The following APBB2 variants were observed in gnomAD, a reference collection of about 807,000 sequenced individuals.
APBB2 encodes the protein Fe65-like 1.
In APBB2, 38 loss-of-function variants were observed where a neutral mutation model predicts 82.5. The observed-to-expected ratio is 0.46, with a 90% confidence interval of 0.36 to 0.60. The LOEUF (loss-of-function observed/expected upper bound fraction) is 0.60, where lower values mean the gene tolerates loss of function less well. Ranked by LOEUF, APBB2 falls within the 20% of genes least tolerant of loss-of-function variation. The pLI is 0.00. For missense variants in APBB2, 772 were observed against 972.3 expected (o/e 0.79, Z 2.74); for synonymous variants, 341 against 368.2 (o/e 0.93, Z 0.85).
intron 2 of APBB2, among the ~76,000 whole-genome samples, chr4:41,122,902 T>C (rs1008862395): frequency 2.6e-5 from 4 of 152,178 alleles, no homozygotes; most frequent in African/African-American, 7.2e-5. Flanking sequence ...TGTCCTCACC[T>C]CTGCCCTGGC....
At chr4:41,111,149 G>T (rs940258351) in intron 2 of APBB2, among the ~76,000 whole-genome samples, 1 of 152,174 alleles carries the variant, frequency 6.6e-6, no homozygotes, top group Non-Finnish European at 1.5e-5. Context: ...ACAGGAGGCG[G>T]AGCTCAGGCA....
chr4:40,862,140 T>C (rs1361736613), intron 12 of APBB2, among the ~76,000 whole-genome samples: 1 of 152,212 alleles, frequency 6.6e-6, no homozygotes, highest in African/African-American at 2.4e-5. Context: ...ATAACTGATA[T>C]AACGTGCAAC....
In APBB2 at chr4:41,144,187, C is replaced by T. The variant is rs1007645876; in HGVS notation, c.-416-1045G>A. Among the ~76,000 whole-genome samples the T allele has an allele frequency of 2.0e-5, 3 of 152,320 alleles. 1 individual carries two copies. The highest frequency in any genetic ancestry group is 3.9e-4 in the East Asian group (2 of 5,188). On this transcript the variant is annotated intron_variant, in intron 1 of 17. Transcript: ENST00000508593. ...CAAATGTTATTTTCAGATACTGGGTCCACAGTTCTATTTCTGTAAATCAAA... is the reference window on the plus strand; with the variant it reads ...CAAATGTTATTTTCAGATACTGGGTTCACAGTTCTATTTCTGTAAATCAAA...
At chr4:41,123,877 C>T (rs544131228) in intron 2 of APBB2, among the ~76,000 whole-genome samples, 4 of 152,020 alleles carry the variant, frequency 2.6e-5, no homozygotes, top group Non-Finnish European at 4.4e-5. Flanking sequence ...TAAATTTAAA[C>T]GATTGCTTAA....
chr4:40,935,496 T>C (rs1785166970), intron 7 of APBB2: 2 of 195,264 alleles, frequency 1.0e-5, no homozygotes, highest in East Asian at 1.4e-4. Flanking sequence ...TTCCTCCCTA[T>C]AAACCAAACA....
Position 40,838,871 on chromosome 4 carries a change from C to A in APBB2, c.1530-8294G>T, listed in dbSNP as rs139852712. ...TAAGTGGAATTTGCTTATGTGTTTA[C>A]CTCTCTTCCAAAAGGCATCTACAGA... On this transcript the variant is annotated intron_variant, in intron 12 of 17. Coordinates refer to ENST00000508593, the MANE Select transcript of APBB2 (RefSeq NM_004307.2). Among the ~76,000 whole-genome samples, 175 of 152,304 alleles carry A rather than the reference C, an allele frequency of 1.1e-3. 1 individual carries two copies. Among genetic ancestry groups the A allele is most frequent in the African/African-American group, 4.0e-3 (168 of 41,562 alleles).
chr4:41,040,451 C>G (rs1720917998), intron 4 of APBB2, among the ~76,000 whole-genome samples: 1 of 152,112 alleles, frequency 6.6e-6, no homozygotes, highest in Non-Finnish European at 1.5e-5. Context: ...TAAGTAGGTA[C>G]TTTGTAAGGA....
At chr4:40,998,012 C>G (rs968337419) in intron 6 of APBB2, among the ~76,000 whole-genome samples, 8 of 152,142 alleles carry the variant, frequency 5.3e-5, no homozygotes, top group Admixed American at 4.6e-4. Flanking sequence ...GACAGACAAA[C>G]TATGGTTATT....
intron 6 of APBB2, among the ~76,000 whole-genome samples, chr4:40,997,806 C>A (rs1349913039): frequency 6.6e-6 from 1 of 152,130 alleles, no homozygotes; most frequent in Non-Finnish European, 1.5e-5. Flanking sequence ...GTAATAACGT[C>A]CTTGAAGCGG....
chr4:41,133,813 C>A (rs2154008713), intron 2 of APBB2, among the ~76,000 whole-genome samples: 1 of 152,190 alleles, frequency 6.6e-6, no homozygotes, highest in East Asian at 1.9e-4. Context: ...GGAGGGGAAG[C>A]CAGGAATGTC....
chr4:40,855,501 G>A (rs1400691868), intron 12 of APBB2, among the ~76,000 whole-genome samples: 1 of 152,114 alleles, frequency 6.6e-6, no homozygotes, highest in Admixed American at 6.5e-5. Context: ...TGGGAGAACC[G>A]AGGCAGGTGG....
intron 6 of APBB2, among the ~76,000 whole-genome samples, chr4:40,982,281 A>AGAAGGAAGGAAGGAAGGAAG (rs1177096577): frequency 5.7e-5 from 1 of 17,474 alleles, no homozygotes; most frequent in African/African-American, 2.6e-4. Flanking sequence ...AAAGAAAGAA[A>AGAAGGAAGGAAGGAAGGAAG]GAAGGAAGGA....
chr4:40,851,738 AT>A (rs869027470), intron 12 of APBB2, among the ~76,000 whole-genome samples: 12,967 of 65,540 alleles, frequency 0.2, 580 homozygotes, highest in Non-Finnish European at 0.24. Flanking sequence ...ATATATATAT[AT>A]TTTTTTTTTT....
chr4:41,003,185 C>T (rs1016513714), intron 6 of APBB2, among the ~76,000 whole-genome samples: 3 of 152,242 alleles, frequency 2.0e-5, no homozygotes, highest in South Asian at 2.1e-4. Flanking sequence ...GTTGTAGTTT[C>T]GGATTCATCA....
intron 6 of APBB2, among the ~76,000 whole-genome samples, chr4:40,979,502 C>A (rs971181709): frequency 6.6e-6 from 1 of 152,192 alleles, no homozygotes; most frequent in African/African-American, 2.4e-5. Flanking sequence ...TAATTAAGAT[C>A]CATAGTCAAC....
At chr4:40,999,513 C>T (rs1481369309) in intron 6 of APBB2, among the ~76,000 whole-genome samples, 1 of 152,196 alleles carries the variant, frequency 6.6e-6, no homozygotes, top group East Asian at 1.9e-4. Context: ...AAGGATATGG[C>T]AGGGAACAAA....
At chr4:40,947,255 T>C (rs998538928) in intron 6 of APBB2, among the ~76,000 whole-genome samples, 1 of 152,240 alleles carries the variant, frequency 6.6e-6, no homozygotes, top group Non-Finnish European at 1.5e-5. Flanking sequence ...CGTCCCATTC[T>C]AGTGGCTCAC....
chr4:41,156,104 A>C lies in APBB2; in HGVS notation c.-416-12962T>G, dbSNP rs528910912. Among the ~76,000 whole-genome samples, 6 of 152,052 alleles carry C rather than the reference A, an allele frequency of 3.9e-5. No individual in the cohort carries two copies. In the East Asian group the frequency reaches 7.7e-4, roughly 20 times the overall value. ...TTCTCAGAGACTTAAAAAAAAAAAA[A>C]CCCTGAACTTTGTAAAAATTACATC... On this transcript the variant is annotated intron_variant, in intron 1 of 17. Coordinates refer to ENST00000508593, the MANE Select transcript of APBB2 (RefSeq NM_004307.2).
intron 4 of APBB2, among the ~76,000 whole-genome samples, chr4:41,062,829 A>G (rs1730354491): frequency 6.6e-6 from 1 of 152,198 alleles, no homozygotes; most frequent in African/African-American, 2.4e-5. Context: ...GTTTTCTCCT[A>G]AAGAGCTTTT....
Sources: allele counts gnomAD v4.1 joint callset (sites outside exome capture counted in the v4.1 genomes callset), GRCh38; gene constraint gnomAD v4.1.1; transcripts MANE v1.5; gene names NCBI Gene and HGNC (gene_info 2026-07-23, HGNC 2026-07-21).